The following COL2A1 variants were observed in gnomAD, a reference collection of about 807,000 sequenced individuals.
COL2A1 encodes the protein collagen alpha-1(II) chain.
Under a neutral mutation model 204.5 loss-of-function variants are expected in COL2A1, and 28 were observed. The ratio of observed to expected loss-of-function variants is 0.14; its 90% CI spans 0.10 to 0.19. The LOEUF is 0.19. Ranked by LOEUF, COL2A1 falls within the 10% of genes least tolerant of loss-of-function variation. The pLI is 1.00. For missense variants in COL2A1, 1,388 were observed against 2,027.5 expected (o/e 0.68, Z 6.06); for synonymous variants, 708 against 718.7 (o/e 0.99, Z 0.24).
rs765008891 is a variant in COL2A1, at chr12:47,980,647, C to T, written c.2532G>A (p.Gln844=). ...CTCCTTGCTCACCCTTGGCCCCAGG[C>T]TGGCCATCAGCACCCTATAATGGGA... ...GFAGPPGADG[Q]PGAKGEQGEA... Residue 844 remains glutamine, a synonymous_variant, in exon 39 of 54, where the codon CAG becomes CAA. Transcript: ENST00000380518. This position sits in a 1 kb window ranked among gnomAD's most constrained non-coding sequence, Gnocchi z 4.5. The T allele has an allele frequency of 1.9e-6, 3 of 1,611,296 alleles. No individual in the cohort carries two copies. In the African/African-American group the frequency reaches 4.0e-5, roughly 22 times the overall value.
In COL2A1 at chr12:47,974,862, C is replaced by T; in HGVS notation, c.3887G>A (p.Gly1296Glu). Reference protein sequence around the residue: ...LKLCHPEWKSGDYWIDPNQGC... With the variant: ...LKLCHPEWKSEDYWIDPNQGC... The stretch of plus-strand genomic sequence containing the variant: ...TTGGTTGGGGTCAATCCAGTAGTCT[C>T]CTGCAGGGGGAAGAGGCAGCACCCA... The change falls in exon 52 of 54, where the codon GGA becomes GAA. Residue 1296 changes from glycine to glutamate, a missense_variant and splice_region_variant. This residue lies in a region of COL2A1 where 303 missense variants were observed against 369.2 expected (regional missense o/e 0.82). Coordinates refer to ENST00000380518, the MANE Select transcript of COL2A1 (RefSeq NM_001844.5). The T allele has an allele frequency of 3.1e-6, 5 of 1,612,870 alleles. No individual in the cohort carries two copies. The highest frequency in any genetic ancestry group is 2.2e-5 in the East Asian group (1 of 44,860).
chr12:47,993,975 T>G lies in COL2A1; in HGVS notation c.870+19A>C, dbSNP rs1024714411. On this transcript the variant is annotated intron_variant, in intron 13 of 53. Transcript: ENST00000380518. ...ACCAGGCATCTCTTCCTTCCAACCT[T>G]CTCACCCGTGATACTTACTCTGTGA... is the stretch of plus-strand genomic sequence containing the variant. 2 of 1,614,114 alleles carry G rather than the reference T, an allele frequency of 1.2e-6. No homozygotes were observed. Among genetic ancestry groups the G allele is most frequent in the Middle Eastern group, 1.6e-4 (1 of 6,062 alleles).
At chr12:47,979,986 G>C (rs1031235295) in intron 40 of COL2A1, 23 bp downstream of exon 40, 2 of 1,547,968 alleles carry the variant, frequency 1.3e-6, no homozygotes, top group Non-Finnish European at 1.7e-6. Context: ...GGTGCAGGGT[G>C]GGGTGTCAGA....
chr12:47,996,045 G>A (rs1261507998), intron 8 of COL2A1, 126 bp from the exon 9 acceptor site: 1 of 752,834 alleles, frequency 1.3e-6, no homozygotes, highest in African/African-American at 1.7e-5. Context: ...AAGGGGCCTA[G>A]AGTGGCTGCT....
chr12:47,993,769 C>A (rs1213067514), intron 14 of COL2A1, 40 bp downstream of exon 14: 1 of 1,604,532 alleles, frequency 6.2e-7, no homozygotes, highest in Non-Finnish European at 8.5e-7. Context: ...TCCTCATTGT[C>A]TCCCTCCTCC....
In COL2A1 at chr12:47,976,055, C is replaced by G. The variant is rs760390497; in HGVS notation, c.3505G>C (p.Val1169Leu). The change falls in exon 50 of 54, where the codon GTC becomes CTC. Residue 1169 changes from valine (V) to leucine (L), a missense_variant. This residue lies in a region of COL2A1 where 884 missense variants were observed against 1,415.8 expected (regional missense o/e 0.62). Coordinates refer to ENST00000380518, the MANE Select transcript of COL2A1 (RefSeq NM_001844.5). This position sits in a 1 kb window ranked among gnomAD's most constrained non-coding sequence, Gnocchi z 4.3. ...GCACCATCTTTGCCAGAGGGACCGACGGGGCCAGGAGGACCCTGCAAGAGA... is the reference window on the plus strand; with the variant it reads ...GCACCATCTTTGCCAGAGGGACCGAGGGGGCCAGGAGGACCCTGCAAGAGA... ...PSGPRGPPGPVGPSGKDGANG... is the reference protein window; with the variant it reads ...PSGPRGPPGPLGPSGKDGANG... 6.2e-7 allele frequency: 1 copy of G among 1,613,064 alleles called. No homozygotes were observed. The highest frequency in any genetic ancestry group is 1.7e-5 in the Admixed American group (1 of 60,000).
In COL2A1 at chr12:47,987,394, A is replaced by G. The variant is rs1001151979; in HGVS notation, c.1222-81T>C. 8.9e-6 allele frequency: 13 copies of G among 1,453,544 alleles called. No individual in the cohort carries two copies. Among genetic ancestry groups the G allele is most frequent in the Middle Eastern group, 1.7e-4 (1 of 5,766 alleles). The allele number at this position is 1,453,544 out of a possible 1,614,324, so 90.0% of individuals were successfully genotyped here. A position where few individuals can be genotyped will look rare whatever the true frequency, so the allele number is the denominator to read the frequency against. On this transcript the variant is annotated intron_variant, in intron 19 of 53. Transcript: ENST00000380518. This position sits in a 1 kb window ranked among gnomAD's most constrained non-coding sequence, Gnocchi z 4.1. ...AGCCCTCCAGGATCCAGATCCAGGGACCTGGCATAGGTGCTGTCCATTTCA... is the reference window on the plus strand; with the variant it reads ...AGCCCTCCAGGATCCAGATCCAGGGGCCTGGCATAGGTGCTGTCCATTTCA...
chr12:47,978,274 GGATA>G lies in COL2A1; in HGVS notation c.3003+13_3003+16del, dbSNP rs1565671532. ...CAGGGCCCAGCTTGGATGGAGGGAG[GGATA>G]CCCCACACTCACCGACGGGCCAGGC... On this transcript the variant is annotated intron_variant, in intron 43 of 53. Transcript: ENST00000380518. The surrounding 1 kb of genome is among the most constrained non-coding windows in gnomAD (Gnocchi z 5.5). 2.5e-6 allele frequency: 4 copies of G among 1,613,114 alleles called. No individual in the cohort carries two copies. Among genetic ancestry groups the G allele is most frequent in the Non-Finnish European group, 3.4e-6 (4 of 1,179,432 alleles).
At chr12:47,993,408 A>G (rs1939797957) in intron 15 of COL2A1, 50 bp downstream of exon 15, 1 of 1,351,726 alleles carries the variant, frequency 7.4e-7, no homozygotes, top group African/African-American at 1.4e-5. Context: ...CAGCCATCTG[A>G]TAGTCTGAAG....
chr12:48,001,319 T>A (rs1635529), intron 1 of COL2A1, among the ~76,000 whole-genome samples: 1 of 152,164 alleles, frequency 6.6e-6, no homozygotes, highest in Admixed American at 6.5e-5. Flanking sequence ...AAAGATAAAC[T>A]TTCCTTTTTA....
chr12:47,979,941 G>T, intron 40 of COL2A1, 68 bp downstream of exon 40: 3 of 1,271,746 alleles, frequency 2.4e-6, no homozygotes, highest in Non-Finnish European at 3.3e-6. Context: ...GAACACCCCC[G>T]CCATGGGAGC....
At chr12:47,974,557 A>T (rs1219823209) in intron 52 of COL2A1, 118 bp downstream of exon 52, 1 of 1,327,174 alleles carries the variant, frequency 7.5e-7, no homozygotes, top group African/African-American at 1.4e-5. Context: ...CCTCCTCTCA[A>T]GCCCAACAGA....
rs773316630 is a variant in COL2A1, at chr12:47,995,858, G to A, written c.654+17C>T. 3.1e-6 allele frequency: 5 copies of A among 1,611,954 alleles called. No individual in the cohort carries two copies. The highest frequency in any genetic ancestry group is 4.2e-6 in the Non-Finnish European group (5 of 1,178,000). ...ATCTGCGACACGATGGAGGCAAAAAGAATTGCAGATACTTACAGGAGCACC... is the reference window on the plus strand; with the variant it reads ...ATCTGCGACACGATGGAGGCAAAAAAAATTGCAGATACTTACAGGAGCACC... On this transcript the variant is annotated intron_variant, in intron 9 of 53. Transcript: ENST00000380518.
rs1355145756 is a variant in COL2A1, at chr12:47,987,050, G to A, written c.1365+28C>T. The A allele has an allele frequency of 3.1e-6, 5 of 1,605,668 alleles. No individual in the cohort carries two copies. Among genetic ancestry groups the A allele is most frequent in the East Asian group, 4.5e-5 (2 of 44,850 alleles). Reference sequence around the variant, plus strand: ...GGGTTTGACTCCAGAGATGTCAGTGGAACTTGGGGGTCACTTTGGGCTCTT... The same window carrying A: ...GGGTTTGACTCCAGAGATGTCAGTGAAACTTGGGGGTCACTTTGGGCTCTT... On this transcript the variant is annotated intron_variant, in intron 21 of 53. Transcript: ENST00000380518. This position sits in a 1 kb window ranked among gnomAD's most constrained non-coding sequence, Gnocchi z 4.1.
At position 47,978,890 on chromosome 12, in the gene COL2A1, C is replaced by A; in HGVS notation, c.2734-132G>T. The A allele has an allele frequency of 1.1e-6, 1 of 908,702 alleles. No homozygotes were observed. Among genetic ancestry groups the A allele is most frequent in the South Asian group, 1.5e-5 (1 of 65,148 alleles). 56.3% of individuals were successfully genotyped at this position (908,702 alleles called of 1,614,324 possible). On this transcript the variant is annotated intron_variant, in intron 41 of 53. Transcript: ENST00000380518. The surrounding 1 kb of genome is among the most constrained non-coding windows in gnomAD (Gnocchi z 5.5). ...TCTACCTCCCCACACTAAGGGCAGG[C>A]AGCTTAACCCCCCCAACCCCAATCT...
rs1938707668 is a variant in COL2A1 at position 47,976,382 on chromosome 12, C to G, written c.3489+132G>C. On this transcript the variant is annotated intron_variant, in intron 49 of 53. Coordinates refer to ENST00000380518, the MANE Select transcript of COL2A1 (RefSeq NM_001844.5). This position sits in a 1 kb window ranked among gnomAD's most constrained non-coding sequence, Gnocchi z 4.3. The stretch of plus-strand genomic sequence containing the variant: ...CTGGCCATAGGCACATGAGCCAGTC[C>G]TGCCCCCATTACTGAGTGAGGACCC... 2 of 1,024,950 alleles carry G rather than the reference C, an allele frequency of 2.0e-6. No individual in the cohort carries two copies. The highest frequency in any genetic ancestry group is 1.6e-5 in the African/African-American group (1 of 63,114). The allele number at this position is 1,024,950 out of a possible 1,614,324, so 63.5% of individuals were successfully genotyped here.
At chr12:47,981,665 G>A in intron 36 of COL2A1, 111 bp downstream of exon 36, 2 of 1,292,856 alleles carry the variant, frequency 1.5e-6, no homozygotes, top group Non-Finnish European at 2.2e-6. Flanking sequence ...TACGGCCTTG[G>A]CCGAGGGTGA....
Position 47,977,099 on chromosome 12 carries a change from C to T in COL2A1, c.3327+3G>A, listed in dbSNP as rs192229438. On this transcript the variant is annotated splice_donor_region_variant and intron_variant, in intron 47 of 53. Coordinates refer to ENST00000380518, the MANE Select transcript of COL2A1 (RefSeq NM_001844.5). ...ACTCAGTGCAGGACACTTGGATACT[C>T]ACCTGGATTCCCCGGGCTCCAGCTG... is the stretch of plus-strand genomic sequence containing the variant. 230 of 1,604,856 alleles carry T rather than the reference C, an allele frequency of 1.4e-4. 1 individual carries two copies. The East Asian group carries it at 1.7e-3, about 12-fold the overall frequency.
chr12:47,973,836 C>T (rs1336906210), intron 53 of COL2A1, among the ~76,000 whole-genome samples: 2 of 152,132 alleles, frequency 1.3e-5, no homozygotes, highest in Non-Finnish European at 2.9e-5. Context: ...GTACACATTG[C>T]GAGAACACTT....
Sources: allele counts gnomAD v4.1 joint callset (sites outside exome capture counted in the v4.1 genomes callset), GRCh38; gene constraint gnomAD v4.1.1; regional missense constraint gnomAD v4.1.1; non-coding constraint Gnocchi (gnomAD v3.1); transcripts MANE v1.5; gene names NCBI Gene and HGNC (gene_info 2026-07-23, HGNC 2026-07-21).